THSD7B: variants seen among roughly 807,000 people sequenced by gnomAD.
THSD7B encodes thrombospondin type-1 domain-containing protein 7B.
A neutral mutation model predicts 213.6 loss-of-function variants in THSD7B; 138 were observed. That is an observed-to-expected ratio of 0.65 (90% CI 0.56 to 0.74). THSD7B has a LOEUF of 0.74. THSD7B is among the 30% of genes least tolerant of loss of function. The pLI, the probability that THSD7B is intolerant of heterozygous loss-of-function variation, is 0.00. For synonymous variants in THSD7B, 742 were observed against 687.0 expected, an observed-to-expected ratio of 1.08 and a Z score of -1.25; for missense variants, 1,931 against 1,991.5, an observed-to-expected ratio of 0.97 and a Z score of 0.58.
At chr2:137,608,667 G>T (rs1422882131) in intron 17 of THSD7B, among the ~76,000 whole-genome samples, 1 of 152,058 alleles carries the variant, frequency 6.6e-6, no homozygotes, top group Admixed American at 6.6e-5. Context: ...CTATTATTTT[G>T]GGAATAGCAT....
At chr2:137,164,418 T>G (rs1296009456) in intron 6 of THSD7B, among the ~76,000 whole-genome samples, 1 of 152,174 alleles carries the variant, frequency 6.6e-6, no homozygotes, top group African/African-American at 2.4e-5. Flanking sequence ...AGGAACACTT[T>G]TACACTGTTG....
chr2:137,332,866 C>A (rs1032207153), intron 12 of THSD7B, among the ~76,000 whole-genome samples: 6 of 152,156 alleles, frequency 3.9e-5, no homozygotes, highest in African/African-American at 1.4e-4. Context: ...CCTGAGGCCT[C>A]CCCTACTATG....
At chr2:137,456,743 A>G (rs929315038) in intron 15 of THSD7B, among the ~76,000 whole-genome samples, 9 of 152,250 alleles carry the variant, frequency 5.9e-5, no homozygotes, top group Admixed American at 3.3e-4. Context: ...AATGTGAAAC[A>G]TCACATGCCA....
chr2:137,242,322 T>G, intron 9 of THSD7B, 135 bp from the exon 10 acceptor site: 2 of 626,490 alleles, frequency 3.2e-6, no homozygotes, highest in Non-Finnish European at 5.5e-6. Context: ...TAGCTTCACC[T>G]CCAGGAGTCT....
intron 12 of THSD7B, among the ~76,000 whole-genome samples, chr2:137,396,074 C>T (rs1574003950): frequency 6.6e-6 from 1 of 151,188 alleles, no homozygotes; most frequent in South Asian, 2.1e-4. Context: ...ATTAGTCTTG[C>T]TAGCGGTCTA....
intron 12 of THSD7B, among the ~76,000 whole-genome samples, chr2:137,378,143 C>CA (rs1340791428): frequency 3.3e-5 from 5 of 151,952 alleles, no homozygotes; most frequent in African/African-American, 7.3e-5. Context: ...CTATTAAAAA[C>CA]AACAAAAAAA....
chr2:136,772,499 A>G (rs1038254106), intron 1 of THSD7B, among the ~76,000 whole-genome samples: 1 of 152,212 alleles, frequency 6.6e-6, no homozygotes, highest in African/African-American at 2.4e-5. Flanking sequence ...AAAGACAGAC[A>G]TATTTAGGAA....
rs549899278 is a variant in THSD7B, at chr2:137,403,045, G to T, written c.2501-2568G>T. Among the ~76,000 whole-genome samples the T allele has an allele frequency of 1.1e-4, 16 of 152,204 alleles. No individual in the cohort carries two copies. In the South Asian group the frequency reaches 1.9e-3, roughly 18 times the overall value. On this transcript the variant is annotated intron_variant, in intron 12 of 27. Transcript: ENST00000409968. ...TGTCTTGCTGTATTCATCATTAATG[G>T]CTGTAATATTCCCAACAAAGAAAAT...
chr2:137,334,156 C>T (rs563279085), intron 12 of THSD7B, among the ~76,000 whole-genome samples: 2 of 139,068 alleles, frequency 1.4e-5, no homozygotes, highest in African/African-American at 2.7e-5. Context: ...TCATTCATTT[C>T]TTTCTTTCTC....
intron 2 of THSD7B, among the ~76,000 whole-genome samples, chr2:136,941,028 C>T (rs1329582160): frequency 6.6e-6 from 1 of 151,902 alleles, no homozygotes; most frequent in East Asian, 1.9e-4. Context: ...ATGACAGGCC[C>T]CAGTGTGTGA....
At chr2:137,528,872 T>C (rs531167329) in intron 15 of THSD7B, among the ~76,000 whole-genome samples, 1 of 152,214 alleles carries the variant, frequency 6.6e-6, no homozygotes, top group African/African-American at 2.4e-5. Flanking sequence ...CTGATTGGCA[T>C]GGTATGCAAA....
chr2:137,568,806 C>T (rs980534684), intron 16 of THSD7B, among the ~76,000 whole-genome samples: 5 of 152,098 alleles, frequency 3.3e-5, no homozygotes, highest in African/African-American at 1.2e-4. Context: ...GATTACAATT[C>T]AAGATGAGAT....
intron 5 of THSD7B, among the ~76,000 whole-genome samples, chr2:137,130,651 A>G (rs985430131): frequency 2.7e-5 from 4 of 150,690 alleles, no homozygotes; most frequent in Non-Finnish European, 5.9e-5. Flanking sequence ...TCCTTGAGAT[A>G]GTTTACTGAG....
chr2:137,396,550 C>T (rs559958282), intron 12 of THSD7B, among the ~76,000 whole-genome samples: 1 of 142,896 alleles, frequency 7.0e-6, no homozygotes, highest in Non-Finnish European at 1.5e-5. Flanking sequence ...AATCTCTGTT[C>T]TTTTACATTT....
At chr2:136,793,821 T>A (rs777735638) in intron 1 of THSD7B, among the ~76,000 whole-genome samples, 132 of 152,006 alleles carry the variant, frequency 8.7e-4, no homozygotes, top group Non-Finnish European at 1.5e-3. Context: ...CTTTTTTTTT[T>A]ATTCCATAAG....
chr2:137,308,650 A>G (rs1390182480), intron 12 of THSD7B, among the ~76,000 whole-genome samples: 1 of 152,048 alleles, frequency 6.6e-6, no homozygotes, highest in Admixed American at 6.6e-5. Flanking sequence ...TGATTATAAG[A>G]ATATTATATG....
chr2:136,799,830 A>G (rs746642256), intron 1 of THSD7B, among the ~76,000 whole-genome samples: 3 of 151,918 alleles, frequency 2.0e-5, no homozygotes, highest in Admixed American at 2.0e-4. Flanking sequence ...TATTTAATAT[A>G]TCTTATACAT....
intron 3 of THSD7B, among the ~76,000 whole-genome samples, chr2:137,072,513 TG>T (rs1296462898): frequency 1.3e-5 from 2 of 152,140 alleles, no homozygotes; most frequent in East Asian, 3.8e-4. Context: ...GCTGAGATGA[TG>T]GGGTTTTCTA....
intron 2 of THSD7B, among the ~76,000 whole-genome samples, chr2:137,019,048 C>T (rs985724669): frequency 6.6e-6 from 1 of 152,102 alleles, no homozygotes; most frequent in African/African-American, 2.4e-5. Context: ...CAGTAAGTTA[C>T]TACATATTTT....
Sources: gnomAD v4.1 joint callset for allele counts (sites outside exome capture counted in the v4.1 genomes callset) on GRCh38, gnomAD v4.1.1 for gene constraint, MANE v1.5 for transcripts, NCBI Gene and HGNC (gene_info 2026-07-23, HGNC 2026-07-21) for gene names.